EPHA6: variants seen among roughly 807,000 people sequenced by gnomAD.
The protein encoded by EPHA6 is ephrin type-A receptor 6.
EPHA6 carries 50 observed loss-of-function variants against 112.0 expected under a neutral mutation model. That is an observed-to-expected ratio of 0.45 (90% CI 0.36 to 0.56). The LOEUF (loss-of-function observed/expected upper bound fraction) is 0.56. Among genes scored for constraint, EPHA6 ranks in the 20% least tolerant of loss-of-function variants. The probability of loss-of-function intolerance (pLI) is 0.00; values close to 1 mark genes in which losing one functional copy is unlikely to be tolerated. For missense variants in EPHA6, 1,280 were observed against 1,417.4 expected (o/e 0.90, Z 1.56); for synonymous variants, 529 against 490.7 (o/e 1.08, Z -1.03).
intron 5 of EPHA6, among the ~76,000 whole-genome samples, chr3:97,274,118 A>T (rs1271013151): frequency 6.6e-6 from 1 of 152,204 alleles, no homozygotes; most frequent in Non-Finnish European, 1.5e-5. Context: ...CTTATAACCT[A>T]CATGGAAGAG....
chr3:96,927,281 A>C (rs911324806), intron 2 of EPHA6, among the ~76,000 whole-genome samples: 2 of 151,808 alleles, frequency 1.3e-5, no homozygotes, highest in South Asian at 4.2e-4. Flanking sequence ...CCAGGAAACC[A>C]TTTTTCCCTT....
At chr3:97,597,569 C>T (rs1363630666) in intron 12 of EPHA6, among the ~76,000 whole-genome samples, 1 of 152,174 alleles carries the variant, frequency 6.6e-6, no homozygotes, top group Non-Finnish European at 1.5e-5. Context: ...AATGGTTTAA[C>T]AACCCAGATT....
At chr3:97,234,256 A>T (rs1203706696) in intron 4 of EPHA6, among the ~76,000 whole-genome samples, 1 of 151,926 alleles carries the variant, frequency 6.6e-6, no homozygotes, top group Non-Finnish European at 1.5e-5. Flanking sequence ...CCTCTACTGA[A>T]TTTTTGTTTC....
At chr3:97,423,938 T>C (rs1412673874) in intron 6 of EPHA6, among the ~76,000 whole-genome samples, 1 of 152,208 alleles carries the variant, frequency 6.6e-6, no homozygotes, top group African/African-American at 2.4e-5. Flanking sequence ...CAGAAATAAC[T>C]GGTTAGTCAT....
intron 2 of EPHA6, among the ~76,000 whole-genome samples, chr3:96,940,360 A>C (rs1377947516): frequency 1.3e-5 from 2 of 151,994 alleles, no homozygotes; most frequent in Admixed American, 6.6e-5. Context: ...TAATGGCCTT[A>C]TTTGTCTCTT....
intron 1 of EPHA6, among the ~76,000 whole-genome samples, chr3:96,855,175 T>C (rs2035620641): frequency 6.6e-6 from 1 of 152,172 alleles, no homozygotes; most frequent in Admixed American, 6.5e-5. Flanking sequence ...CTTCTACTTT[T>C]AAGGACCTTT....
rs894210373 is a variant in EPHA6 at position 97,749,001 on chromosome 3, G to A, written c.*300G>A. The A allele has an allele frequency of 6.0e-6, 2 of 331,044 alleles. No homozygotes were observed. Among genetic ancestry groups the A allele is most frequent in the South Asian group, 6.6e-5 (1 of 15,210 alleles). The allele number at this position is 331,044 out of a possible 1,614,324, so 20.5% of individuals were successfully genotyped here. On this transcript the variant is annotated 3_prime_UTR_variant, in exon 18 of 18. Transcript: ENST00000389672. ...TAAGCCGTATATGGGAAGTGTTCAC[G>A]GACTTAACCTAAAAAAATTTATCCA...
chr3:97,102,655 G>C (rs1018588007), intron 3 of EPHA6, among the ~76,000 whole-genome samples: 2 of 151,980 alleles, frequency 1.3e-5, no homozygotes, highest in African/African-American at 4.8e-5. Context: ...GGGATTGCTG[G>C]GTTAAATGGT....
Position 96,987,378 on chromosome 3 carries a change from T to G in EPHA6, c.499T>G (p.Tyr167Asp). The change falls in exon 3 of 18, where the codon TAC (tyrosine) becomes GAC (aspartate). Residue 167 changes from tyrosine to aspartate, a missense_variant. Coordinates refer to ENST00000389672, the MANE Select transcript of EPHA6 (RefSeq NM_001080448.3). Reference sequence around the variant, plus strand: ...TGAACATAATAGGCCCATTCACACATACCAGGTATGTAATGTAATGGAACC... The same window carrying G: ...TGAACATAATAGGCCCATTCACACAGACCAGGTATGTAATGTAATGGAACC... ...MDEHNRPIHTYQVCNVMEPNQ... is the reference protein window; with the variant it reads ...MDEHNRPIHTDQVCNVMEPNQ... 2 of 1,613,830 alleles carry G rather than the reference T, an allele frequency of 1.2e-6. No homozygotes were observed. Among genetic ancestry groups the G allele is most frequent in the Non-Finnish European group, 1.7e-6 (2 of 1,179,774 alleles).
At chr3:97,545,710 G>T (rs542791492) in intron 11 of EPHA6, among the ~76,000 whole-genome samples, 60 of 152,232 alleles carry the variant, frequency 3.9e-4, no homozygotes, top group African/African-American at 1.2e-3. Flanking sequence ...AAGTCTCTTT[G>T]TAGGTCACTA....
At chr3:97,554,080 G>T (rs1396567909) in intron 11 of EPHA6, among the ~76,000 whole-genome samples, 1 of 152,118 alleles carries the variant, frequency 6.6e-6, no homozygotes, top group African/African-American at 2.4e-5. Flanking sequence ...CCATGGTTGT[G>T]TTGTTCATTA....
At chr3:96,844,752 A>T (rs918452229) in intron 1 of EPHA6, among the ~76,000 whole-genome samples, 2 of 151,966 alleles carry the variant, frequency 1.3e-5, no homozygotes, top group Non-Finnish European at 2.9e-5. Flanking sequence ...AGAATTAGAG[A>T]AAAATATATG....
rs2083073946 is a variant in EPHA6, at chr3:97,336,749, T to C, written c.1607-68401T>C. Reference sequence around the variant, plus strand: ...TTTTACAAAACTTGTCTGAAAGAGCTCAATGTCTCAGAGATCTCTTACTAC... The same window carrying C: ...TTTTACAAAACTTGTCTGAAAGAGCCCAATGTCTCAGAGATCTCTTACTAC... On this transcript the variant is annotated intron_variant, in intron 5 of 17. Coordinates refer to ENST00000389672, the MANE Select transcript of EPHA6 (RefSeq NM_001080448.3). 2.0e-5 allele frequency among the ~76,000 whole-genome samples: 3 copies of C among 152,086 alleles called. No homozygotes were observed. The South Asian group carries it at 6.2e-4, about 31-fold the overall frequency.
At chr3:96,874,865 G>A (rs2036852338) in intron 2 of EPHA6, among the ~76,000 whole-genome samples, 12 of 152,014 alleles carry the variant, frequency 7.9e-5, no homozygotes, top group Admixed American at 7.9e-4. Flanking sequence ...TTAGAGTAGG[G>A]GGACTTGATG....
chr3:97,051,435 A>G (rs970111186), intron 3 of EPHA6, among the ~76,000 whole-genome samples: 22 of 152,246 alleles, frequency 1.4e-4, no homozygotes, highest in African/African-American at 5.1e-4. Context: ...AAAAATATAA[A>G]AAATAATTAC....
At chr3:97,596,902 A>ATATATATATATATATATG (rs1488752484) in intron 12 of EPHA6, among the ~76,000 whole-genome samples, 109 of 114,266 alleles carry the variant, frequency 9.5e-4, no homozygotes, top group African/African-American at 2.8e-3. Flanking sequence ...ATATATATAT[A>ATATATATATATATATATG]TATGTATGTA....
chr3:97,202,066 A>G (rs1268262861), intron 3 of EPHA6, among the ~76,000 whole-genome samples: 32 of 152,124 alleles, frequency 2.1e-4, no homozygotes, highest in Non-Finnish European at 4.7e-4. Context: ...GAGATAACAG[A>G]GTAATGCTGA....
chr3:97,443,015 C>G (rs2090191573), intron 6 of EPHA6, among the ~76,000 whole-genome samples: 4 of 152,024 alleles, frequency 2.6e-5, no homozygotes, highest in Admixed American at 2.6e-4. Context: ...GGTTCCTAGG[C>G]CCTGCAATTC....
Position 97,021,170 on chromosome 3 carries a change from A to G in EPHA6, c.1114+33177A>G, listed in dbSNP as rs112293323. ...CTTCCTCTTGATCACTATTAATTTCATAGGTTAAACTTGGACTGTATAGCC... is the reference window on the plus strand; with the variant it reads ...CTTCCTCTTGATCACTATTAATTTCGTAGGTTAAACTTGGACTGTATAGCC... On this transcript the variant is annotated intron_variant, in intron 3 of 17. Transcript: ENST00000389672. Among the ~76,000 whole-genome samples, 805 of 152,304 alleles carry G rather than the reference A, an allele frequency of 5.3e-3. 6 individuals are homozygous for G. The highest frequency in any genetic ancestry group is 0.017 in the African/African-American group (727 of 41,572).
Sources: allele counts gnomAD v4.1 joint callset (sites outside exome capture counted in the v4.1 genomes callset), GRCh38; gene constraint gnomAD v4.1.1; transcripts MANE v1.5; gene names NCBI Gene and HGNC (gene_info 2026-07-23, HGNC 2026-07-21).